The following RMDN1 variants were observed in gnomAD, a reference collection of about 807,000 sequenced individuals.
The protein encoded by RMDN1 is regulator of microtubule dynamics protein 1.
RMDN1 carries 48 observed loss-of-function variants against 48.9 expected under a neutral mutation model. That is an observed-to-expected ratio of 0.98 (90% CI 0.78 to 1.25). The LOEUF is 1.25. RMDN1 is among the 50% of genes most tolerant of loss of function. The pLI is 0.00. For missense variants in RMDN1, 418 were observed against 373.4 expected (o/e 1.12, Z -0.98); for synonymous variants, 148 against 132.6 (o/e 1.12, Z -0.80).
chr8:86,477,726 T>A (rs116741819), intron 7 of RMDN1, among the ~76,000 whole-genome samples: 160 of 152,304 alleles, frequency 1.1e-3, no homozygotes, highest in African/African-American at 3.8e-3. Context: ...AAGAGTCCAT[T>A]ATTATTGAAA....
chr8:86,476,280 AAG>A (rs1813361218), intron 8 of RMDN1, among the ~76,000 whole-genome samples: 1 of 152,242 alleles, frequency 6.6e-6, no homozygotes, highest in Admixed American at 6.5e-5. Context: ...CAGTATGATC[AAG>A]AGAGGGTATC....
intron 1 of RMDN1, 76 bp from the exon 2 acceptor site, chr8:86,507,188 G>A: frequency 1.2e-6 from 1 of 818,268 alleles, no homozygotes; most frequent in Non-Finnish European, 2.1e-6. Context: ...AAAATTACAT[G>A]AATTTTCTCC....
downstream of RMDN1, among the ~76,000 whole-genome samples, chr8:86,469,658 G>T (rs13267782): frequency 0.27 from 41,212 of 152,050 alleles, 6,459 homozygotes; most frequent in East Asian, 0.54. Context: ...CTAAGATGAT[G>T]TGGTGGATGT....
At position 86,508,580 on chromosome 8, in the gene RMDN1, C is replaced by G; in HGVS notation, c.41G>C (p.Arg14Pro). The change falls in exon 1 of 10, where the codon CGA (arginine) becomes CCA (proline). Residue 14 changes from arginine (R) to proline (P), a missense_variant. Physicochemically the swap from Arg to Pro is moderately radical, Grantham distance 103 (BLOSUM62 -2). Coordinates refer to ENST00000406452, the MANE Select transcript of RMDN1 (RefSeq NM_016033.3). ...ACGAGACCCCGGGGCGGCTCCACGTCGGAAAGGCAGAAGGCGCCACAGTCG... is the reference window on the plus strand; with the variant it reads ...ACGAGACCCCGGGGCGGCTCCACGTGGGAAAGGCAGAAGGCGCCACAGTCG... ...AARLWRLLPF[R>P]RGAAPGSRLP... 1 of 1,603,824 alleles carries G rather than the reference C, an allele frequency of 6.2e-7. No homozygotes were observed. The highest frequency in any genetic ancestry group is 1.1e-5 in the South Asian group (1 of 90,106).
chr8:86,471,343 G>GACCT (rs147549001), downstream of RMDN1, among the ~76,000 whole-genome samples: 8,233 of 151,898 alleles, frequency 0.054, 312 homozygotes, highest in Non-Finnish European at 0.086. Flanking sequence ...CCCATTTGAT[G>GACCT]ACCTAGTATT....
Position 86,473,395 on chromosome 8 carries a change from G to A in RMDN1, c.*913C>T, listed in dbSNP as rs1812850458. 2.0e-6 allele frequency: 2 copies of A among 985,378 alleles called. No individual in the cohort carries two copies. The highest frequency in any genetic ancestry group is 1.7e-5 in the African/African-American group (1 of 57,350). 61.0% of individuals were successfully genotyped at this position (985,378 alleles called of 1,614,324 possible). A position where few individuals can be genotyped will look rare whatever the true frequency, so the allele number is the denominator to read the frequency against. On this transcript the variant is annotated 3_prime_UTR_variant, in exon 10 of 10. Coordinates refer to ENST00000406452, the MANE Select transcript of RMDN1 (RefSeq NM_016033.3). ...GTATTCCATTTCACTCTTAAGTTTT[G>A]TGTTCCTTCCATTCCATTAGGGAAT...
intron 5 of RMDN1, chr8:86,482,550 C>T: frequency 1.4e-6 from 1 of 730,006 alleles, no homozygotes; most frequent in Admixed American, 1.8e-5. Flanking sequence ...ATGTCATCTT[C>T]TTGCCTGTCA....
chr8:86,506,794 G>A (rs865841074), intron 2 of RMDN1, among the ~76,000 whole-genome samples: 8 of 152,266 alleles, frequency 5.3e-5, no homozygotes, highest in Admixed American at 2.0e-4. Flanking sequence ...CCAACTTCAC[G>A]TCAACTTCTG....
chr8:86,488,420 T>C (rs1056664605), intron 3 of RMDN1, 132 bp downstream of exon 3: 12 of 462,802 alleles, frequency 2.6e-5, no homozygotes, highest in African/African-American at 4.0e-5. Context: ...TAAATTAAAC[T>C]CTAAGAAATA....
intron 1 of RMDN1, chr8:86,508,089 A>G (rs1819676383): frequency 5.7e-6 from 1 of 173,990 alleles, no homozygotes; most frequent in Non-Finnish European, 1.2e-5. Flanking sequence ...TCTGCTTCTG[A>G]GTCGTAGAAC....
chr8:86,505,172 G>C, intron 2 of RMDN1: 1 of 1,090,280 alleles, frequency 9.2e-7, no homozygotes, highest in Non-Finnish European at 1.3e-6. Flanking sequence ...GCTGCTACTT[G>C]ATTCCTTTCT....
In RMDN1 at chr8:86,508,390, C is replaced by CA; in HGVS notation, c.129+101dup. 6 of 1,321,458 alleles carry CA rather than the reference C, an allele frequency of 4.5e-6. No homozygotes were observed. The South Asian group carries it at 8.6e-5, about 19-fold the overall frequency. 81.9% of individuals were successfully genotyped at this position (1,321,458 alleles called of 1,614,324 possible). A position where few individuals can be genotyped will look rare whatever the true frequency, so the allele number is the denominator to read the frequency against. ...GCCCCGAGTTCTTTCCTCGGTTCAC[C>CA]ACATTCCTTAGGCAGCGCGGGGCCG... On this transcript the variant is annotated intron_variant, in intron 1 of 9. Coordinates refer to ENST00000406452, the MANE Select transcript of RMDN1 (RefSeq NM_016033.3).
intron 2 of RMDN1, among the ~76,000 whole-genome samples, chr8:86,495,598 C>T (rs931194923): frequency 6.6e-6 from 1 of 152,092 alleles, no homozygotes; most frequent in Admixed American, 6.5e-5. Flanking sequence ...TCCTTGTCTG[C>T]CAGCCTCTCC....
At chr8:86,481,971 TC>T in intron 5 of RMDN1, 1 of 874,188 alleles carries the variant, frequency 1.1e-6, no homozygotes, top group Non-Finnish European at 1.9e-6. Context: ...CAAGCAGAAA[TC>T]CACATGTGGA....
At position 86,479,063 on chromosome 8, in the gene RMDN1, T is replaced by TAA. The variant is rs1340375605; in HGVS notation, c.642-55_642-54dup. On this transcript the variant is annotated intron_variant, in intron 6 of 9. Coordinates refer to ENST00000406452, the MANE Select transcript of RMDN1 (RefSeq NM_016033.3). ...ATTCAAATTGTACCTTCTTTTCTCT[T>TAA]AAAGTTAACTAAGCATCTTAATACT... 2.8e-5 allele frequency: 36 copies of TAA among 1,281,642 alleles called. 1 individual carries two copies. In the South Asian group the frequency reaches 3.8e-4, roughly 14 times the overall value. The allele number at this position is 1,281,642 out of a possible 1,614,324, so 79.4% of individuals were successfully genotyped here.
rs1322122039 is a variant in RMDN1, at chr8:86,486,548, T to C, written c.431A>G (p.Tyr144Cys). ...TSEEEKKLLV[Y>C]EALEYAKRAL... ...TCTTTTTGCATACTCTAGGGCTTCATACACCAATAGCTTTTTCTCCTCTTC... is the reference window on the plus strand; with the variant it reads ...TCTTTTTGCATACTCTAGGGCTTCACACACCAATAGCTTTTTCTCCTCTTC... Residue 144 changes from tyrosine to cysteine, a missense_variant, in exon 4 of 10, where the codon TAT becomes TGT. Physicochemically the swap from Tyr to Cys is radical, Grantham distance 194 (BLOSUM62 -2). Transcript: ENST00000406452. The C allele has an allele frequency of 4.3e-6, 7 of 1,612,536 alleles. No homozygotes were observed. The highest frequency in any genetic ancestry group is 3.3e-5 in the Admixed American group (2 of 59,978).
At chr8:86,476,882 G>A (rs1813467116) in intron 8 of RMDN1, among the ~76,000 whole-genome samples, 2 of 151,850 alleles carry the variant, frequency 1.3e-5, no homozygotes, top group South Asian at 4.2e-4. Context: ...TTATTTTTTG[G>A]TAGAGATGAG....
chr8:86,480,741 GAAGAA>G (rs1814249246), intron 5 of RMDN1, among the ~76,000 whole-genome samples: 1 of 152,010 alleles, frequency 6.6e-6, no homozygotes, highest in Non-Finnish European at 1.5e-5. Context: ...CTTTCCTAAA[GAAGAA>G]AAGTGCATTT....
intron 1 of RMDN1, among the ~76,000 whole-genome samples, chr8:86,507,876 AC>A (rs1442965064): frequency 6.6e-6 from 1 of 151,988 alleles, no homozygotes; most frequent in Non-Finnish European, 1.5e-5. Context: ...AAATAATGAA[AC>A]CCCTAGTTCA....
Sources: gnomAD v4.1 joint callset for allele counts (sites outside exome capture counted in the v4.1 genomes callset) on GRCh38, gnomAD v4.1.1 for gene constraint, MANE v1.5 for transcripts, NCBI Gene and HGNC (gene_info 2026-07-23, HGNC 2026-07-21) for gene names.